FILIP1L: variants seen among roughly 807,000 people sequenced by gnomAD.
FILIP1L encodes the protein filamin A-interacting protein 1-like.
Under a neutral mutation model 96.6 loss-of-function variants are expected in FILIP1L, and 55 were observed. The ratio of observed to expected loss-of-function variants is 0.57; its 90% CI spans 0.46 to 0.71. FILIP1L has a LOEUF of 0.71. Ranked by LOEUF, FILIP1L falls within the 30% of genes least tolerant of loss-of-function variation. The pLI is 0.00. For synonymous variants in FILIP1L, 467 were observed against 473.9 expected (o/e 0.99, Z 0.19); for missense variants, 1,304 against 1,321.2 (o/e 0.99, Z 0.20).
chr3:99,982,150 C>G (rs530877297), intron 1 of FILIP1L, among the ~76,000 whole-genome samples: 1 of 151,970 alleles, frequency 6.6e-6, no homozygotes, highest in Non-Finnish European at 1.5e-5. Context: ...AATATAAGTG[C>G]TATATATTTC....
chr3:99,844,727 C>T (rs9825784), intron 5 of FILIP1L, among the ~76,000 whole-genome samples: 1 of 152,182 alleles, frequency 6.6e-6, no homozygotes, highest in Non-Finnish European at 1.5e-5. Context: ...TGTGTCCTCA[C>T]CCAAATCTCC....
intron 4 of FILIP1L, 50 bp downstream of exon 4, chr3:99,924,180 C>T (rs371207088): frequency 6.5e-5 from 97 of 1,499,442 alleles, no homozygotes; most frequent in Middle Eastern, 5.2e-4. Context: ...GGTACAGTGG[C>T]CAGCTCATAG....
intron 1 of FILIP1L, among the ~76,000 whole-genome samples, chr3:99,939,314 C>G (rs561352704): frequency 6.6e-6 from 1 of 152,166 alleles, no homozygotes; most frequent in Non-Finnish European, 1.5e-5. Flanking sequence ...AACTTTAGTT[C>G]GTGTATCCTG....
chr3:99,848,788 G>A lies in FILIP1L; in HGVS notation c.2888C>T (p.Thr963Ile), dbSNP rs1385549805. 1.9e-6 allele frequency: 3 copies of A among 1,614,048 alleles called. No homozygotes were observed. The Admixed American group carries it at 5.0e-5, about 27-fold the overall frequency. The change falls in exon 5 of 6, where the codon ACC (threonine) becomes ATC (isoleucine). Residue 963 changes from threonine (T) to isoleucine (I), a missense_variant. Physicochemically the swap from Thr to Ile is moderately conservative, Grantham distance 89. Transcript: ENST00000477258. ...TTGTTCTAAATTCATGAGGTCTTCG[G>A]TAGAGGTTTTGGACTTTACTGGTGT... ...SITPVKSKTS[T>I]EDLMNLEQGM...
intron 4 of FILIP1L, among the ~76,000 whole-genome samples, chr3:99,865,151 A>G (rs1472499621): frequency 6.6e-6 from 1 of 152,182 alleles, no homozygotes; most frequent in Non-Finnish European, 1.5e-5. Flanking sequence ...AACAATTTTT[A>G]TATGCCATGT....
chr3:100,035,953 C>T (rs1481763537), intron 1 of FILIP1L, among the ~76,000 whole-genome samples: 1 of 152,140 alleles, frequency 6.6e-6, no homozygotes, highest in Non-Finnish European at 1.5e-5. Flanking sequence ...ATGAATGAGA[C>T]ATAGTCCTTA....
chr3:99,966,365 A>C (rs984462986), intron 1 of FILIP1L, among the ~76,000 whole-genome samples: 6 of 152,030 alleles, frequency 3.9e-5, no homozygotes, highest in Non-Finnish European at 8.8e-5. Context: ...GCTCCATCTG[A>C]AGCCTGAACC....
At chr3:99,887,972 A>G (rs1705963499) in intron 4 of FILIP1L, among the ~76,000 whole-genome samples, 1 of 152,000 alleles carries the variant, frequency 6.6e-6, no homozygotes, top group South Asian at 2.1e-4. Context: ...ACTCCTGGGA[A>G]GGTTCAAGCA....
chr3:100,058,074 A>G lies in FILIP1L; in HGVS notation c.-11+55979T>C, dbSNP rs2065496157. The stretch of plus-strand genomic sequence containing the variant: ...TCCCAGGCAATATGCACAATTTTTT[A>G]TTTTCTTTTTGCAGTTGAGGAAACT... On this transcript the variant is annotated intron_variant, in intron 1 of 5. Transcript: ENST00000477258. 2.0e-5 allele frequency among the ~76,000 whole-genome samples: 3 copies of G among 151,934 alleles called. 1 individual carries two copies. Among genetic ancestry groups the G allele is most frequent in the Admixed American group, 2.0e-4 (3 of 15,256 alleles).
rs966951211 is a variant in FILIP1L at position 100,033,493 on chromosome 3, T to G, written c.-11+80560A>C. 1.1e-4 allele frequency among the ~76,000 whole-genome samples: 16 copies of G among 152,208 alleles called. 1 individual carries two copies. The highest frequency in any genetic ancestry group is 5.9e-5 in the Non-Finnish European group (4 of 68,038). ...CTAATGTTTGTAACATTGTAAAACTTAAGCAAACACTGTCTTCAAGACCAG... is the reference window on the plus strand; with the variant it reads ...CTAATGTTTGTAACATTGTAAAACTGAAGCAAACACTGTCTTCAAGACCAG... On this transcript the variant is annotated intron_variant, in intron 1 of 5. Coordinates refer to ENST00000477258, the MANE Select transcript of FILIP1L (RefSeq NM_001387850.1).
At chr3:99,980,696 G>T (rs560956362) in intron 1 of FILIP1L, among the ~76,000 whole-genome samples, 45 of 152,292 alleles carry the variant, frequency 3.0e-4, no homozygotes, top group African/African-American at 9.9e-4. Context: ...ATGGGACAGC[G>T]TATTGGCAGA....
At chr3:99,999,133 C>G (rs908168953) in intron 1 of FILIP1L, among the ~76,000 whole-genome samples, 17 of 152,138 alleles carry the variant, frequency 1.1e-4, no homozygotes, top group Admixed American at 3.9e-4. Flanking sequence ...CAGTTTTATG[C>G]CATGAATTGT....
At chr3:99,895,026 C>G (rs1706203396) in intron 4 of FILIP1L, among the ~76,000 whole-genome samples, 1 of 152,166 alleles carries the variant, frequency 6.6e-6, no homozygotes, top group Non-Finnish European at 1.5e-5. Flanking sequence ...ATGGCAGCCT[C>G]AGGCCAACTA....
intron 1 of FILIP1L, among the ~76,000 whole-genome samples, chr3:99,932,874 A>G (rs189916501): frequency 6.6e-6 from 1 of 152,296 alleles, no homozygotes; most frequent in East Asian, 1.9e-4. Flanking sequence ...TGGGTGACAG[A>G]GTAAGACTCT....
intron 1 of FILIP1L, among the ~76,000 whole-genome samples, chr3:99,943,143 TAAC>T (rs1042841393): frequency 1.3e-5 from 2 of 152,150 alleles, no homozygotes; most frequent in African/African-American, 4.8e-5. Context: ...TAATTTCTGA[TAAC>T]AAGAACAGGT....
At chr3:99,988,893 C>T (rs879831411) in intron 1 of FILIP1L, among the ~76,000 whole-genome samples, 2 of 152,190 alleles carry the variant, frequency 1.3e-5, no homozygotes, top group Non-Finnish European at 1.5e-5. Context: ...TCTATTAAAG[C>T]TTCTTTCAGC....
intron 1 of FILIP1L, among the ~76,000 whole-genome samples, chr3:100,069,567 A>G (rs2065725973): frequency 6.6e-6 from 1 of 152,034 alleles, no homozygotes; most frequent in African/African-American, 2.4e-5. Context: ...CAGTCTAAAA[A>G]CTAGTGGTTC....
At chr3:100,011,358 C>T (rs1183190171) in intron 1 of FILIP1L, among the ~76,000 whole-genome samples, 2 of 152,106 alleles carry the variant, frequency 1.3e-5, no homozygotes, top group Non-Finnish European at 2.9e-5. Flanking sequence ...ATGCCATGCC[C>T]AGCGTGTTTC....
In FILIP1L at chr3:100,008,233, G is replaced by GTAAC. The variant is rs1710043163; in HGVS notation, c.-10-77207_-10-77204dup. 2.6e-5 allele frequency among the ~76,000 whole-genome samples: 4 copies of GTAAC among 152,230 alleles called. No individual in the cohort carries two copies. In the South Asian group the frequency reaches 6.2e-4, roughly 24 times the overall value. On this transcript the variant is annotated intron_variant, in intron 1 of 5. Coordinates refer to ENST00000477258, the MANE Select transcript of FILIP1L (RefSeq NM_001387850.1). ...AACTTTAAGGTCATTCCTGATAAAG[G>GTAAC]TAACTACTCCACCCCTGCTTCCCAA...
Sources: allele counts gnomAD v4.1 joint callset (sites outside exome capture counted in the v4.1 genomes callset), GRCh38; gene constraint gnomAD v4.1.1; transcripts MANE v1.5; gene names NCBI Gene and HGNC (gene_info 2026-07-23, HGNC 2026-07-21).